Variants in LEPR observed in about 807,000 individuals in gnomAD.
LEPR encodes leptin receptor.
LEPR carries 56 observed loss-of-function variants against 114.7 expected under a neutral mutation model. The ratio of observed to expected loss-of-function variants is 0.49; its 90% CI spans 0.39 to 0.61. The LOEUF (loss-of-function observed/expected upper bound fraction) is 0.61. Ranked by LOEUF, LEPR falls within the 20% of genes least tolerant of loss-of-function variation. The pLI, the probability that LEPR is intolerant of heterozygous loss-of-function variation, is 0.00. For synonymous variants in LEPR, 443 were observed against 461.4 expected, an observed-to-expected ratio of 0.96 and a Z score of 0.51; for missense variants, 1,202 against 1,352.9, an observed-to-expected ratio of 0.89 and a Z score of 1.75.
chr1:65,589,204 A>G (rs1403173247), intron 5 of LEPR, among the ~76,000 whole-genome samples: 1 of 152,078 alleles, frequency 6.6e-6, no homozygotes, highest in African/African-American at 2.4e-5. Context: ...CTTATTTGCC[A>G]TAACTATGAT....
chr1:65,538,704 G>T (rs1196754085), intron 2 of LEPR, among the ~76,000 whole-genome samples: 1 of 151,838 alleles, frequency 6.6e-6, no homozygotes, highest in East Asian at 1.9e-4. Flanking sequence ...TACTCCTTTA[G>T]TGATTTTTTT....
intron 2 of LEPR, among the ~76,000 whole-genome samples, chr1:65,516,217 A>G (rs10889559): frequency 0.71 from 107,885 of 151,884 alleles, 39,388 homozygotes; most frequent in Middle Eastern, 0.87. Flanking sequence ...GGCGGATCAC[A>G]AGGTCAGGAG....
intron 2 of LEPR, among the ~76,000 whole-genome samples, chr1:65,530,732 A>G (rs1650330382): frequency 6.6e-6 from 1 of 152,044 alleles, no homozygotes; most frequent in Non-Finnish European, 1.5e-5. Context: ...TATGACCTGT[A>G]TCTTGTCCTG....
intron 2 of LEPR, among the ~76,000 whole-genome samples, chr1:65,521,205 G>A (rs145540241): frequency 9.3e-4 from 141 of 152,272 alleles, no homozygotes; most frequent in African/African-American, 3.2e-3. Context: ...TTTTCACATT[G>A]AAAATCAGTC....
intron 6 of LEPR, 105 bp from the exon 7 acceptor site, chr1:65,596,343 T>G: frequency 7.0e-7 from 1 of 1,427,730 alleles, no homozygotes; most frequent in Non-Finnish European, 9.7e-7. Context: ...TTTTAAGTAC[T>G]TGAAAGGCAA....
At chr1:65,432,365 A>G (rs1646497953) in intron 2 of LEPR, 3 of 969,548 alleles carry the variant, frequency 3.1e-6, no homozygotes, top group South Asian at 9.5e-5. Context: ...AAGAGCCTCA[A>G]CATTTCCTAG....
chr1:65,620,445 A>G (rs1285043018), intron 17 of LEPR, among the ~76,000 whole-genome samples: 1 of 152,248 alleles, frequency 6.6e-6, no homozygotes, highest in African/African-American at 2.4e-5. Flanking sequence ...TGGATTGAAT[A>G]GTGAACATAA....
chr1:65,532,778 G>A (rs1272157594), intron 2 of LEPR, among the ~76,000 whole-genome samples: 1 of 152,214 alleles, frequency 6.6e-6, no homozygotes, highest in Non-Finnish European at 1.5e-5. Flanking sequence ...GAATAGGCAA[G>A]TCCATAAACA....
rs138267513 is a variant in LEPR, at chr1:65,569,088, A to G, written c.41-1385A>G. 4.8e-3 allele frequency among the ~76,000 whole-genome samples: 733 copies of G among 152,128 alleles called. 2 individuals carry two copies. The highest frequency in any genetic ancestry group is 0.02 in the Middle Eastern group (6 of 294). ...TGGATATTAGTCCTTTGTTGGATGC[A>G]TAGTTCTGGAAGAGTGCTGGAACCT... On this transcript the variant is annotated intron_variant, in intron 3 of 19. Coordinates refer to ENST00000349533, the MANE Select transcript of LEPR (RefSeq NM_002303.6).
chr1:65,622,913 A>C lies in LEPR; in HGVS notation c.2605A>C (p.Lys869Gln). 1 of 1,613,968 alleles carries C rather than the reference A, an allele frequency of 6.2e-7. No individual in the cohort carries two copies. Among genetic ancestry groups the C allele is most frequent in the Non-Finnish European group, 8.5e-7 (1 of 1,179,922 alleles). The change falls in exon 19 of 20, where the codon AAG (lysine) becomes CAG (glutamine). Residue 869 changes from lysine to glutamine, a missense_variant. By Grantham distance (53) the Lys-to-Gln change is moderately conservative. Coordinates refer to ENST00000349533, the MANE Select transcript of LEPR (RefSeq NM_002303.6). ...CCTGTTTATCCTTTGTAGAATGAAA[A>C]AGCTATTTTGGGAAGATGTTCCGAA... ...TLLISHQRMK[K>Q]LFWEDVPNPK...
chr1:65,459,217 G>A (rs1196192101), intron 2 of LEPR, among the ~76,000 whole-genome samples: 2 of 152,158 alleles, frequency 1.3e-5, no homozygotes. Flanking sequence ...CTAAGATGTT[G>A]GCAGGCAGAG....
At chr1:65,450,196 GAGA>G (rs932299986) in intron 2 of LEPR, among the ~76,000 whole-genome samples, 24 of 152,248 alleles carry the variant, frequency 1.6e-4, no homozygotes, top group Admixed American at 1.5e-3. Context: ...ATGTGAACTG[GAGA>G]AGAAAATGTT....
intron 7 of LEPR, 56 bp from the exon 8 acceptor site, chr1:65,598,604 T>C: frequency 6.2e-7 from 1 of 1,606,972 alleles, no homozygotes; most frequent in Non-Finnish European, 8.5e-7. Flanking sequence ...TCCTCACTTT[T>C]AGTAAAGGTT....
At position 65,633,914 on chromosome 1, in the gene LEPR, G is replaced by A. The variant is rs1021578330; in HGVS notation, c.2674-2277G>A. On this transcript the variant is annotated intron_variant, in intron 19 of 19. Transcript: ENST00000349533. This position sits in a 1 kb window ranked among gnomAD's most constrained non-coding sequence, Gnocchi z 4.1. Reference sequence around the variant, plus strand: ...CCCTACATACCCAGGTCAGATTGACGGGACCAGAAGGGAACATCGACTTCT... The same window carrying A: ...CCCTACATACCCAGGTCAGATTGACAGGACCAGAAGGGAACATCGACTTCT... 3.7e-5 allele frequency: 36 copies of A among 985,186 alleles called. No individual in the cohort carries two copies. In the African/African-American group the frequency reaches 5.2e-4, roughly 14 times the overall value. 61.0% of individuals were successfully genotyped at this position (985,186 alleles called of 1,614,324 possible). A position where few individuals can be genotyped will look rare whatever the true frequency, so the allele number is the denominator to read the frequency against.
chr1:65,569,280 C>G (rs1653984923), intron 3 of LEPR, among the ~76,000 whole-genome samples: 1 of 152,178 alleles, frequency 6.6e-6, no homozygotes, highest in African/African-American at 2.4e-5. Flanking sequence ...TCATTTCATA[C>G]AAATCCATAC....
chr1:65,589,208 C>T (rs1163496259), intron 5 of LEPR, among the ~76,000 whole-genome samples: 1 of 152,038 alleles, frequency 6.6e-6, no homozygotes, highest in African/African-American at 2.4e-5. Context: ...TTTGCCATAA[C>T]TATGATTTAT....
chr1:65,439,776 C>T (rs943636372), intron 2 of LEPR, among the ~76,000 whole-genome samples: 31 of 146,576 alleles, frequency 2.1e-4, no homozygotes, highest in South Asian at 4.3e-4. Context: ...TGCAGTGAGC[C>T]GAGATCATGC....
At chr1:65,542,461 C>G (rs1651299985) in intron 2 of LEPR, among the ~76,000 whole-genome samples, 1 of 142,580 alleles carries the variant, frequency 7.0e-6, no homozygotes, top group Non-Finnish European at 1.5e-5. Context: ...TGTGCCTATT[C>G]TTTTTTTTTT....
At chr1:65,526,520 T>C (rs1156566684) in intron 2 of LEPR, 1 of 712,268 alleles carries the variant, frequency 1.4e-6, no homozygotes, top group Admixed American at 6.3e-5. Context: ...AATTCTGGGC[T>C]CTTGTCAGCC....
Sources: allele counts gnomAD v4.1 joint callset (sites outside exome capture counted in the v4.1 genomes callset), GRCh38; gene constraint gnomAD v4.1.1; non-coding constraint Gnocchi (gnomAD v3.1); transcripts MANE v1.5; gene names NCBI Gene and HGNC (gene_info 2026-07-23, HGNC 2026-07-21).